The following CACHD1 variants were observed in gnomAD, a reference collection of about 807,000 sequenced individuals.
CACHD1 encodes the protein cache domain containing 1.
CACHD1 carries 71 observed loss-of-function variants against 138.7 expected under a neutral mutation model. The ratio of observed to expected loss-of-function variants is 0.51; its 90% CI spans 0.42 to 0.62. The LOEUF (loss-of-function observed/expected upper bound fraction) is 0.62. Ranked by LOEUF, CACHD1 falls within the 20% of genes least tolerant of loss-of-function variation. The pLI is 0.00. For missense variants in CACHD1, 1,389 were observed against 1,625.3 expected (o/e 0.85, Z 2.50); for synonymous variants, 578 against 591.5 (o/e 0.98, Z 0.33).
At chr1:64,530,143 C>T (rs1442401617) in intron 1 of CACHD1, among the ~76,000 whole-genome samples, 1 of 152,188 alleles carries the variant, frequency 6.6e-6, no homozygotes, top group Non-Finnish European at 1.5e-5. Flanking sequence ...TTATGTTTAG[C>T]GTTTTGCCCT....
At position 64,632,458 on chromosome 1, in the gene CACHD1, T is replaced by C. The variant is rs1648344497; in HGVS notation, c.645-141T>C. On this transcript the variant is annotated intron_variant, in intron 5 of 26. Coordinates refer to ENST00000651257, the MANE Select transcript of CACHD1 (RefSeq NM_020925.4). ...TGCACCAATATGGTTTCTCCTTCCATGTGGATTTCTCCATCCTTGTGCCAT... is the reference window on the plus strand; with the variant it reads ...TGCACCAATATGGTTTCTCCTTCCACGTGGATTTCTCCATCCTTGTGCCAT... 3 of 769,678 alleles carry C rather than the reference T, an allele frequency of 3.9e-6. No individual in the cohort carries two copies. In the Admixed American group the frequency reaches 6.9e-5, roughly 18 times the overall value. The allele number at this position is 769,678 out of a possible 1,614,324, so 47.7% of individuals were successfully genotyped here.
chr1:64,561,530 C>T (rs1646839089), intron 2 of CACHD1, among the ~76,000 whole-genome samples: 2 of 152,098 alleles, frequency 1.3e-5, no homozygotes, highest in South Asian at 4.1e-4. Context: ...GACAAATCCT[C>T]TTAGTTTTTT....
At chr1:64,564,268 C>T (rs188482756) in intron 2 of CACHD1, among the ~76,000 whole-genome samples, 1 of 152,278 alleles carries the variant, frequency 6.6e-6, no homozygotes, top group Non-Finnish European at 1.5e-5. Flanking sequence ...AGACTATCAC[C>T]TCTTCTAAGG....
chr1:64,606,458 G>C (rs1381153192), intron 4 of CACHD1, among the ~76,000 whole-genome samples: 1 of 152,154 alleles, frequency 6.6e-6, no homozygotes, highest in Non-Finnish European at 1.5e-5. Flanking sequence ...AAAGAGCTGG[G>C]AGTAGATTAG....
At chr1:64,611,313 C>T (rs1647525113) in intron 4 of CACHD1, among the ~76,000 whole-genome samples, 1 of 152,198 alleles carries the variant, frequency 6.6e-6, no homozygotes, top group African/African-American at 2.4e-5. Flanking sequence ...GCTTGAATTT[C>T]TCCCCAGGAA....
At chr1:64,498,315 T>C (rs1045683463) in intron 1 of CACHD1, among the ~76,000 whole-genome samples, 4 of 152,214 alleles carry the variant, frequency 2.6e-5, no homozygotes, top group African/African-American at 9.6e-5. Context: ...TGCTCCAGCA[T>C]ATTAGAACTA....
At chr1:64,593,384 T>C (rs1307294213) in intron 3 of CACHD1, among the ~76,000 whole-genome samples, 1 of 152,222 alleles carries the variant, frequency 6.6e-6, no homozygotes, top group Non-Finnish European at 1.5e-5. Flanking sequence ...GAAAATATGA[T>C]ATAAAATGTT....
intron 10 of CACHD1, 118 bp downstream of exon 10, chr1:64,652,428 AGAT>A: frequency 1.1e-6 from 1 of 890,248 alleles, no homozygotes; most frequent in Non-Finnish European, 1.6e-6. Context: ...ATTGTGACTA[AGAT>A]TGCTCATTTG....
intron 2 of CACHD1, among the ~76,000 whole-genome samples, chr1:64,579,295 G>T (rs1426925418): frequency 6.6e-6 from 1 of 152,134 alleles, no homozygotes; most frequent in Non-Finnish European, 1.5e-5. Context: ...GACCAGATTG[G>T]AATATCTTGA....
chr1:64,511,608 G>A (rs1514960), intron 1 of CACHD1, among the ~76,000 whole-genome samples: 20 of 152,176 alleles, frequency 1.3e-4, no homozygotes, highest in Non-Finnish European at 2.4e-4. Flanking sequence ...TCACCCAGCC[G>A]CTTCCCGCTA....
chr1:64,513,944 C>A (rs1049872040), intron 1 of CACHD1, among the ~76,000 whole-genome samples: 6 of 152,078 alleles, frequency 3.9e-5, no homozygotes, highest in Admixed American at 3.3e-4. Flanking sequence ...AAACAAAACA[C>A]CTATGCAGGT....
intron 26 of CACHD1, among the ~76,000 whole-genome samples, chr1:64,682,910 T>C (rs961415611): frequency 5.9e-5 from 9 of 152,184 alleles, no homozygotes; most frequent in Non-Finnish European, 1.5e-5. Context: ...TTTTTTTTTT[T>C]TTAAGATAGC....
intron 9 of CACHD1, 35 bp from the exon 10 acceptor site, chr1:64,652,126 C>A: frequency 1.3e-6 from 2 of 1,564,520 alleles, no homozygotes; most frequent in Non-Finnish European, 1.7e-6. Flanking sequence ...TCCTTCTCTG[C>A]TGGTCTTTAG....
At chr1:64,502,210 C>T (rs965695345) in intron 1 of CACHD1, among the ~76,000 whole-genome samples, 1 of 152,206 alleles carries the variant, frequency 6.6e-6, no homozygotes, top group African/African-American at 2.4e-5. Context: ...CACAATGGAG[C>T]TGTGAACTTA....
rs190370241 is a variant in CACHD1, at chr1:64,586,519, T to C, written c.410+4215T>C. On this transcript the variant is annotated intron_variant, in intron 3 of 26. Transcript: ENST00000651257. The stretch of plus-strand genomic sequence containing the variant: ...TGGTTAAAAACTTTTTTTTTAATAC[T>C]AGGGAGATTTGGTTTTGAATCTCAT... Among the ~76,000 whole-genome samples the C allele has an allele frequency of 5.9e-5, 9 of 152,304 alleles. No homozygotes were observed. In the East Asian group the frequency reaches 1.7e-3, roughly 29 times the overall value.
intron 4 of CACHD1, among the ~76,000 whole-genome samples, chr1:64,614,786 CT>C (rs1031305128): frequency 6.6e-6 from 1 of 152,184 alleles, no homozygotes; most frequent in African/African-American, 2.4e-5. Flanking sequence ...AATCCCCTTT[CT>C]TTTTCCCCTG....
At chr1:64,480,886 C>CTTTTTTTTTTTTTTTTTTTTTTTTTTTT (rs530847374) in intron 1 of CACHD1, among the ~76,000 whole-genome samples, 6 of 140,584 alleles carry the variant, frequency 4.3e-5, no homozygotes, top group African/African-American at 1.3e-4. Context: ...CTCTCTCTCC[C>CTTTTTTTTTTTTTTTTTTTTTTTTTTTT]TTTTTTTTTT....
chr1:64,690,189 G>A (rs75061456), intron 26 of CACHD1, among the ~76,000 whole-genome samples: 5,200 of 152,200 alleles, frequency 0.034, 291 homozygotes, highest in African/African-American at 0.12. Flanking sequence ...TTATAGGTAC[G>A]CAGTAAATAT....
chr1:64,646,013 T>TACATAGCC (rs750982511), intron 8 of CACHD1, among the ~76,000 whole-genome samples: 2 of 152,200 alleles, frequency 1.3e-5, no homozygotes, highest in African/African-American at 2.4e-5. Flanking sequence ...TCAGCCACCC[T>TACATAGCC]ACTGACCTTC....
Sources: gnomAD v4.1 joint callset for allele counts (sites outside exome capture counted in the v4.1 genomes callset) on GRCh38, gnomAD v4.1.1 for gene constraint, MANE v1.5 for transcripts, NCBI Gene and HGNC (gene_info 2026-07-23, HGNC 2026-07-21) for gene names.